Variants in RARB observed in about 807,000 individuals in gnomAD.
RARB encodes HBV-activated protein.
A neutral mutation model predicts 51.9 loss-of-function variants in RARB; 17 were observed. The observed-to-expected ratio is 0.33, with a 90% confidence interval of 0.22 to 0.49. The LOEUF (loss-of-function observed/expected upper bound fraction) is 0.49. RARB is among the 20% of genes least tolerant of loss of function. The pLI, the probability that RARB is intolerant of heterozygous loss-of-function variation, is 0.99. For synonymous variants in RARB, 215 were observed against 195.4 expected, an observed-to-expected ratio of 1.10 and a Z score of -0.84; for missense variants, 369 against 550.8, an observed-to-expected ratio of 0.67 and a Z score of 3.30.
chr3:25,292,441 G>T (rs1047497181), intron 5 of RARB, among the ~76,000 whole-genome samples: 1 of 152,152 alleles, frequency 6.6e-6, no homozygotes, highest in Non-Finnish European at 1.5e-5. Flanking sequence ...AAAGAGGGGA[G>T]CCAAATGCTA....
chr3:25,572,432 TTACAG>T (rs1273857790), intron 4 of RARB, among the ~76,000 whole-genome samples: 1 of 152,188 alleles, frequency 6.6e-6, no homozygotes, highest in African/African-American at 2.4e-5. Context: ...TGCCCTCATA[TTACAG>T]ATGCAAAAGC....
intron 3 of RARB, among the ~76,000 whole-genome samples, chr3:25,067,140 A>G (rs1698679533): frequency 6.6e-6 from 1 of 152,142 alleles, no homozygotes; most frequent in African/African-American, 2.4e-5. Flanking sequence ...ATCACGGGTG[A>G]GCACCTGGTT....
At chr3:25,260,094 C>T in intron 5 of RARB, 1 of 721,664 alleles carries the variant, frequency 1.4e-6, no homozygotes, top group Non-Finnish European at 1.7e-6. Flanking sequence ...AGATGAGTTT[C>T]AGCTTTGTTT....
chr3:25,348,337 C>T (rs1056026554), intron 5 of RARB, among the ~76,000 whole-genome samples: 2 of 151,944 alleles, frequency 1.3e-5, no homozygotes, highest in South Asian at 4.2e-4. Flanking sequence ...TATTTTGGTA[C>T]TCACTAAAAT....
At chr3:25,224,769 C>T (rs1226378173) in intron 5 of RARB, among the ~76,000 whole-genome samples, 1 of 151,986 alleles carries the variant, frequency 6.6e-6, no homozygotes, top group African/African-American at 2.4e-5. Flanking sequence ...CCACACCTGG[C>T]TAGTTTTTGT....
At chr3:25,298,111 T>C (rs1319267443) in intron 5 of RARB, among the ~76,000 whole-genome samples, 1 of 152,156 alleles carries the variant, frequency 6.6e-6, no homozygotes, top group South Asian at 2.1e-4. Context: ...TAGTATTTAT[T>C]TGTGCAGCTT....
chr3:25,310,895 A>C (rs938521415), intron 5 of RARB, among the ~76,000 whole-genome samples: 1 of 152,200 alleles, frequency 6.6e-6, no homozygotes, highest in Non-Finnish European at 1.5e-5. Context: ...TTGCATGTAA[A>C]TAAATTTGTT....
intron 3 of RARB, among the ~76,000 whole-genome samples, chr3:25,527,479 T>C (rs1443042634): frequency 1.3e-5 from 2 of 152,204 alleles, no homozygotes; most frequent in Non-Finnish European, 2.9e-5. Flanking sequence ...AAAGCTGTGC[T>C]TTGAAATTAG....
chr3:25,553,584 T>C (rs1420143664), intron 3 of RARB, among the ~76,000 whole-genome samples: 1 of 152,218 alleles, frequency 6.6e-6, no homozygotes, highest in Non-Finnish European at 1.5e-5. Context: ...CCTAAGAATG[T>C]GGAGCAATCA....
intron 2 of RARB, among the ~76,000 whole-genome samples, chr3:25,469,114 G>A (rs889544567): frequency 6.6e-6 from 1 of 152,196 alleles, no homozygotes; most frequent in Non-Finnish European, 1.5e-5. Context: ...CCTTTGTTTT[G>A]CTAGCCTCTG....
chr3:25,253,771 GT>G (rs1229635584), intron 5 of RARB, among the ~76,000 whole-genome samples: 4 of 152,064 alleles, frequency 2.6e-5, no homozygotes, highest in African/African-American at 7.2e-5. Context: ...GGCTATAAAG[GT>G]TACATTATTT....
chr3:24,880,966 C>G (rs553895470), intron 2 of RARB, among the ~76,000 whole-genome samples: 4 of 152,066 alleles, frequency 2.6e-5, no homozygotes, highest in Admixed American at 6.5e-5. Flanking sequence ...CTCTGTGTCC[C>G]CACCCAAATC....
chr3:25,257,943 G>C (rs372968107), intron 5 of RARB, among the ~76,000 whole-genome samples: 1 of 152,078 alleles, frequency 6.6e-6, no homozygotes, highest in Non-Finnish European at 1.5e-5. Flanking sequence ...TTCATCATTT[G>C]TATTTCCACA....
At chr3:25,471,438 G>A (rs540764258) in intron 2 of RARB, among the ~76,000 whole-genome samples, 2 of 152,148 alleles carry the variant, frequency 1.3e-5, no homozygotes, top group East Asian at 3.9e-4. Flanking sequence ...TAATTCCTAC[G>A]GAAGGAGAAA....
chr3:25,200,113 T>C (rs1219417154), intron 5 of RARB, among the ~76,000 whole-genome samples: 2 of 152,136 alleles, frequency 1.3e-5, no homozygotes, highest in Admixed American at 6.6e-5. Context: ...ACCTGTTGTT[T>C]CCTGACTTTT....
At chr3:25,261,844 A>G (rs533898509) in intron 5 of RARB, among the ~76,000 whole-genome samples, 9 of 152,212 alleles carry the variant, frequency 5.9e-5, no homozygotes, top group African/African-American at 1.9e-4. Flanking sequence ...CTTATGGGGC[A>G]CTATTCCCAA....
At chr3:25,193,702 C>T (rs1347517114) in intron 5 of RARB, among the ~76,000 whole-genome samples, 2 of 151,910 alleles carry the variant, frequency 1.3e-5, no homozygotes, top group African/African-American at 2.4e-5. Context: ...TTCAACAATT[C>T]TCATTCTAAT....
At chr3:24,838,104 C>T (rs964399421) in intron 1 of RARB, among the ~76,000 whole-genome samples, 1 of 152,190 alleles carries the variant, frequency 6.6e-6, no homozygotes, top group African/African-American at 2.4e-5. Flanking sequence ...TATTTCCTTG[C>T]TGGCTGTCCG....
chr3:24,936,312 G>A (rs1695547592), intron 2 of RARB, among the ~76,000 whole-genome samples: 1 of 152,106 alleles, frequency 6.6e-6, no homozygotes, highest in South Asian at 2.1e-4. Context: ...AATTTTACAT[G>A]TTAGGGCCTC....
Sources: gnomAD v4.1 joint callset for allele counts (sites outside exome capture counted in the v4.1 genomes callset) on GRCh38, gnomAD v4.1.1 for gene constraint, MANE v1.5 for transcripts, NCBI Gene and HGNC (gene_info 2026-07-23, HGNC 2026-07-21) for gene names.